EIF3H: variants seen among roughly 807,000 people sequenced by gnomAD.
EIF3H encodes eukaryotic translation initiation factor 3 subunit H, also known as eIF-3-gamma.
A neutral mutation model predicts 44.2 loss-of-function variants in EIF3H; 26 were observed. That is an observed-to-expected ratio of 0.59 (90% CI 0.43 to 0.82). The LOEUF is 0.82. EIF3H is among the 40% of genes least tolerant of loss of function. The pLI is 0.00. For synonymous variants in EIF3H, 166 were observed against 151.9 expected (o/e 1.09, Z -0.68); for missense variants, 359 against 432.8 (o/e 0.83, Z 1.51).
chr8:116,659,277 C>T (rs1813545315), intron 2 of EIF3H, among the ~76,000 whole-genome samples: 1 of 152,182 alleles, frequency 6.6e-6, no homozygotes, highest in Non-Finnish European at 1.5e-5. Flanking sequence ...TCTAACTCCC[C>T]TTTTTGAAAC....
intron 1 of EIF3H, among the ~76,000 whole-genome samples, chr8:116,752,086 G>A (rs556151009): frequency 1.3e-5 from 2 of 152,212 alleles, no homozygotes; most frequent in Non-Finnish European, 2.9e-5. Context: ...TAAAAGGAAG[G>A]ATAGTGATTG....
chr8:116,728,419 GGTTTTTAAACCTA>G (rs1452603319), intron 1 of EIF3H, among the ~76,000 whole-genome samples: 7 of 152,070 alleles, frequency 4.6e-5, no homozygotes, highest in South Asian at 2.1e-4. Context: ...TTTAAAAGTA[GGTTTTTAAACCTA>G]GTTTTTAAAC....
intron 1 of EIF3H, among the ~76,000 whole-genome samples, chr8:116,737,987 A>T (rs1200261413): frequency 1.3e-5 from 2 of 149,366 alleles, no homozygotes; most frequent in African/African-American, 4.9e-5. Flanking sequence ...ATGAGCCGAG[A>T]TCGCACTATT....
chr8:116,750,248 T>G (rs900308691), intron 1 of EIF3H, among the ~76,000 whole-genome samples: 2 of 152,262 alleles, frequency 1.3e-5, no homozygotes, highest in Admixed American at 6.5e-5. Flanking sequence ...GGAGAATTTT[T>G]AAAAAAACAG....
intron 5 of EIF3H, among the ~76,000 whole-genome samples, chr8:116,652,622 T>TA (rs1813414615): frequency 6.6e-6 from 1 of 152,140 alleles, no homozygotes; most frequent in Admixed American, 6.6e-5. Flanking sequence ...CGTACGTAGA[T>TA]AGAGTGCAAA....
intron 2 of EIF3H, among the ~76,000 whole-genome samples, chr8:116,700,401 T>A (rs1281768831): frequency 3.9e-5 from 6 of 152,154 alleles, no homozygotes; most frequent in Non-Finnish European, 8.8e-5. Flanking sequence ...ATAAGATTTT[T>A]TTCTTTTCTT....
chr8:116,696,993 T>C (rs1186153022), intron 2 of EIF3H: 15 of 429,462 alleles, frequency 3.5e-5, no homozygotes, highest in Admixed American at 3.3e-4. Context: ...CCATATTACA[T>C]GTTAATACAA....
At position 116,750,699 on chromosome 8, in the gene EIF3H, C is replaced by A. The variant is rs191985100; in HGVS notation, c.132+4967G>T. On this transcript the variant is annotated intron_variant, in intron 1 of 7. Coordinates refer to ENST00000521861, the MANE Select transcript of EIF3H (RefSeq NM_003756.3). ...GTGCTGGGATTACAGGCGTGAGCCA[C>A]CACACCTGGCCTTTAGCATGACTTA... is the stretch of plus-strand genomic sequence containing the variant. Among the ~76,000 whole-genome samples the A allele has an allele frequency of 2.5e-3, 372 of 151,746 alleles. 2 individuals are homozygous for A. The highest frequency in any genetic ancestry group is 0.01 in the Middle Eastern group (3 of 294).
chr8:116,657,577 C>T, intron 3 of EIF3H: 1 of 429,616 alleles, frequency 2.3e-6, no homozygotes, highest in South Asian at 2.8e-5. Flanking sequence ...TTTTCAAATT[C>T]ATTCCTCAGC....
chr8:116,670,418 G>T (rs1813733721), intron 2 of EIF3H, among the ~76,000 whole-genome samples: 1 of 152,138 alleles, frequency 6.6e-6, no homozygotes, highest in Non-Finnish European at 1.5e-5. Flanking sequence ...CAGACCAAGG[G>T]TTCAGAGAAA....
chr8:116,724,701 T>C (rs571207376), intron 2 of EIF3H, among the ~76,000 whole-genome samples: 41 of 152,296 alleles, frequency 2.7e-4, no homozygotes, highest in Admixed American at 1.8e-3. Context: ...TCAACATCAG[T>C]AATCATCAGA....
At chr8:116,750,449 G>A (rs528928213) in intron 1 of EIF3H, among the ~76,000 whole-genome samples, 5 of 136,798 alleles carry the variant, frequency 3.7e-5, no homozygotes, top group South Asian at 2.2e-4. Context: ...TCGCTCTGTC[G>A]CCCAATCTGG....
At chr8:116,750,035 T>A (rs1461302197) in intron 1 of EIF3H, among the ~76,000 whole-genome samples, 2 of 152,298 alleles carry the variant, frequency 1.3e-5, no homozygotes, top group Non-Finnish European at 2.9e-5. Context: ...TTCATCTACA[T>A]CTATATATGA....
intron 2 of EIF3H, among the ~76,000 whole-genome samples, chr8:116,711,375 C>A (rs924284023): frequency 2.6e-5 from 4 of 152,168 alleles, no homozygotes; most frequent in Non-Finnish European, 5.9e-5. Context: ...TCTTCTAGTA[C>A]TGAATCTTTT....
intron 1 of EIF3H, among the ~76,000 whole-genome samples, chr8:116,742,084 GGAA>G (rs1034215674): frequency 6.1e-5 from 9 of 147,816 alleles, no homozygotes; most frequent in African/African-American, 2.2e-4. Context: ...AACTTCAATA[GGAA>G]AAAAAAAAAA....
At chr8:116,696,502 T>C (rs548137552) in intron 2 of EIF3H, among the ~76,000 whole-genome samples, 1 of 152,218 alleles carries the variant, frequency 6.6e-6, no homozygotes, top group Non-Finnish European at 1.5e-5. Flanking sequence ...CCTGAGACTA[T>C]TTAAAGTTTA....
At chr8:116,676,154 T>C (rs1813842581) in intron 2 of EIF3H, among the ~76,000 whole-genome samples, 1 of 152,238 alleles carries the variant, frequency 6.6e-6, no homozygotes, top group Admixed American at 6.5e-5. Flanking sequence ...ATTAAGATCT[T>C]GAAGTTGGTT....
intron 6 of EIF3H, among the ~76,000 whole-genome samples, chr8:116,647,915 A>T (rs549956186): frequency 3.9e-5 from 6 of 151,920 alleles, no homozygotes; most frequent in African/African-American, 1.4e-4. Flanking sequence ...AACCACTCCC[A>T]TCTTTTTAGT....
chr8:116,653,878 G>A (rs1364585590), intron 5 of EIF3H, among the ~76,000 whole-genome samples: 2 of 152,106 alleles, frequency 1.3e-5, no homozygotes, highest in African/African-American at 4.8e-5. Flanking sequence ...AACTTATCAG[G>A]CACATCAAAG....
Sources: gnomAD v4.1 joint callset for allele counts (sites outside exome capture counted in the v4.1 genomes callset) on GRCh38, gnomAD v4.1.1 for gene constraint, MANE v1.5 for transcripts, NCBI Gene and HGNC (gene_info 2026-07-23, HGNC 2026-07-21) for gene names.